Variants in ZNF135 observed in about 807,000 individuals in gnomAD.
The protein encoded by ZNF135 is zinc finger protein 135, also known as zinc finger protein 135 (clone pHZ-17).
ZNF135 carries 11 observed loss-of-function variants against 12.3 expected under a neutral mutation model. The observed-to-expected ratio is 0.89, with a 90% CI of 0.56 to 1.48. The LOEUF (loss-of-function observed/expected upper bound fraction) is 1.48. ZNF135 is among the 40% of genes most tolerant of loss of function. The probability of loss-of-function intolerance (pLI) is 0.00; values close to 1 mark genes in which losing one functional copy is unlikely to be tolerated. For missense variants in ZNF135, 722 were observed against 815.7 expected (o/e 0.89, Z 1.40); for synonymous variants, 316 against 312.0 (o/e 1.01, Z -0.14).
rs1017227942 is a variant in ZNF135 at position 58,068,663 on chromosome 19, C to A, written c.*202C>A. ...CCAAGCTCTAGGTCATCCATCTCTG[C>A]ATCCAAATAGTAGGGAAACGTGGAG... On this transcript the variant is annotated 3_prime_UTR_variant, in exon 5 of 5. Transcript: ENST00000313434. The A allele has an allele frequency of 8.4e-6, 5 of 595,912 alleles. No homozygotes were observed. Among genetic ancestry groups the A allele is most frequent in the African/African-American group, 7.4e-5 (4 of 54,054 alleles). 36.9% of individuals were successfully genotyped at this position (595,912 alleles called of 1,614,324 possible). A position where few individuals can be genotyped will look rare whatever the true frequency, so the allele number is the denominator to read the frequency against.
Position 58,068,537 on chromosome 19 carries a change from T to C in ZNF135, c.*76T>C. 2.6e-6 allele frequency: 4 copies of C among 1,518,932 alleles called. No individual in the cohort carries two copies. The highest frequency in any genetic ancestry group is 3.6e-6 in the Non-Finnish European group (4 of 1,125,204). The allele number at this position is 1,518,932 out of a possible 1,614,324, so 94.1% of individuals were successfully genotyped here. ...TCCCTTTCTAGATTTGACCCAATCA[T>C]ACACATGAGAAACGTACATTCATAC... On this transcript the variant is annotated 3_prime_UTR_variant, in exon 5 of 5. Coordinates refer to ENST00000313434, the MANE Select transcript of ZNF135 (RefSeq NM_001289401.2).
At position 58,066,915 on chromosome 19, in the gene ZNF135, C is replaced by T; in HGVS notation, c.431C>T (p.Ala144Val). 3 of 1,614,204 alleles carry T rather than the reference C, an allele frequency of 1.9e-6. No homozygotes were observed. Among genetic ancestry groups the T allele is most frequent in the East Asian group, 2.2e-5 (1 of 44,888 alleles). Residue 144 changes from alanine (A) to valine (V), a missense_variant, in exon 5 of 5, where the codon GCA (alanine) becomes GTA (valine). Coordinates refer to ENST00000313434, the MANE Select transcript of ZNF135 (RefSeq NM_001289401.2). ...EWSCESLESL[A>V]VPVAFTPVKT... is the part of the protein sequence containing the mutation. ...AGTTGTGAGAGTCTAGAGAGCCTGG[C>T]AGTGCCGGTGGCCTTCACGCCTGTG...
rs1038785682 is a variant in ZNF135, at chr19:58,059,346, A to G, written c.-35+36A>G. The G allele has an allele frequency of 2.7e-4, 201 of 745,332 alleles. No individual in the cohort carries two copies. Among genetic ancestry groups the G allele is most frequent in the African/African-American group, 7.2e-4 (32 of 44,356 alleles). 46.2% of individuals were successfully genotyped at this position (745,332 alleles called of 1,614,324 possible). A position where few individuals can be genotyped will look rare whatever the true frequency, so the allele number is the denominator to read the frequency against. On this transcript the variant is annotated intron_variant, in intron 1 of 4. Transcript: ENST00000313434. The surrounding 1 kb of genome is among the most constrained non-coding windows in gnomAD (Gnocchi z 6.5). ...CCGGCGAGGAGGGGGAGGGGAGGCC[A>G]GGCCGGGCCGGGCCGGGCCGGGTGC...
rs1027760990 is a variant in ZNF135 at position 58,059,904 on chromosome 19, C to G, written c.-34-65C>G. 6.9e-6 allele frequency: 11 copies of G among 1,584,988 alleles called. No homozygotes were observed. Among genetic ancestry groups the G allele is most frequent in the South Asian group, 6.7e-5 (6 of 89,402 alleles). On this transcript the variant is annotated intron_variant, in intron 1 of 4. Transcript: ENST00000313434. The surrounding 1 kb of genome is among the most constrained non-coding windows in gnomAD (Gnocchi z 6.5). Reference sequence around the variant, plus strand: ...GAGCTCCCCAGGCTCTGGCGCAGTTCCCCGGCTTGGGGACCTGAGCACCGC... The same window carrying G: ...GAGCTCCCCAGGCTCTGGCGCAGTTGCCCGGCTTGGGGACCTGAGCACCGC...
chr19:58,060,247 GGTGCCCGGCCTCTACTC>G lies in ZNF135; in HGVS notation c.33+227_33+243del, dbSNP rs3833209. On this transcript the variant is annotated intron_variant, in intron 2 of 4. Coordinates refer to ENST00000313434, the MANE Select transcript of ZNF135 (RefSeq NM_001289401.2). The surrounding 1 kb of genome is among the most constrained non-coding windows in gnomAD (Gnocchi z 4.9). ...TCTACTCGCGCACCTGGCCTCTACT[GGTGCCCGGCCTCTACTC>G]GTGCCCGGCCTCTATTTGCACATCT... 0.52 allele frequency: 746,195 copies of G among 1,422,696 alleles called. 199,551 individuals are homozygous for G. The highest frequency in any genetic ancestry group is 0.54 in the Non-Finnish European group (591,652 of 1,086,502). The allele number at this position is 1,422,696 out of a possible 1,614,324, so 88.1% of individuals were successfully genotyped here.
In ZNF135 at chr19:58,060,119, T is replaced by C; in HGVS notation, c.33+84T>C. 1.3e-6 allele frequency: 2 copies of C among 1,595,198 alleles called. No homozygotes were observed. Among genetic ancestry groups the C allele is most frequent in the South Asian group, 2.2e-5 (2 of 90,310 alleles). On this transcript the variant is annotated intron_variant, in intron 2 of 4. Coordinates refer to ENST00000313434, the MANE Select transcript of ZNF135 (RefSeq NM_001289401.2). This position sits in a 1 kb window ranked among gnomAD's most constrained non-coding sequence, Gnocchi z 4.9. ...CGGCCTTCTCACGCCCGGCCTCCTC[T>C]TTGCACCCCGTCCCTACTCGCGCTC...
Sources: gnomAD v4.1 joint callset for allele counts on GRCh38, gnomAD v4.1.1 for gene constraint, Gnocchi (gnomAD v3.1) non-coding constraint, MANE v1.5 for transcripts, NCBI Gene and HGNC (gene_info 2026-07-23, HGNC 2026-07-21) for gene names.